Variants in FYN observed in about 807,000 individuals in gnomAD.
FYN encodes tyrosine-protein kinase Fyn.
Under a neutral mutation model 70.2 loss-of-function variants are expected in FYN, and 10 were observed. The observed-to-expected ratio is 0.14, with a 90% CI of 0.09 to 0.24. The LOEUF (loss-of-function observed/expected upper bound fraction) is 0.24. FYN is among the 10% of genes least tolerant of loss of function. The probability of loss-of-function intolerance (pLI) is 1.00; values close to 1 mark genes in which losing one functional copy is unlikely to be tolerated. For missense variants in FYN, 319 were observed against 673.1 expected (o/e 0.47, Z 5.82); for synonymous variants, 236 against 248.6 (o/e 0.95, Z 0.48).
chr6:111,818,158 T>C (rs1255938434), intron 2 of FYN, among the ~76,000 whole-genome samples: 2 of 152,214 alleles, frequency 1.3e-5, no homozygotes, highest in African/African-American at 4.8e-5. Flanking sequence ...CTATATATTT[T>C]GGTCTTGCAG....
At chr6:111,717,824 T>C (rs979509957) in intron 4 of FYN, among the ~76,000 whole-genome samples, 1 of 152,192 alleles carries the variant, frequency 6.6e-6, no homozygotes, top group East Asian at 1.9e-4. Flanking sequence ...AGGGAAGAAA[T>C]GTGTCATGGC....
intron 2 of FYN, among the ~76,000 whole-genome samples, chr6:111,835,741 GCTGGTACTGATAACGC>G (rs1773164749): frequency 6.6e-6 from 1 of 152,182 alleles, no homozygotes. Flanking sequence ...AGGAATGTGA[GCTGGTACTGATAACGC>G]CTGGTACTGT....
chr6:111,666,810 G>A (rs193015013), intron 13 of FYN, among the ~76,000 whole-genome samples: 99 of 152,280 alleles, frequency 6.5e-4, no homozygotes, highest in Non-Finnish European at 6.8e-4. Flanking sequence ...TCCAGCCTGG[G>A]TGACAGAGCG....
At chr6:111,758,243 G>A (rs905901409) in intron 3 of FYN, among the ~76,000 whole-genome samples, 3 of 152,048 alleles carry the variant, frequency 2.0e-5, no homozygotes, top group African/African-American at 7.2e-5. Context: ...AAATATTCAC[G>A]GTGCACTGCT....
At chr6:111,799,525 A>G (rs1286796008) in intron 2 of FYN, among the ~76,000 whole-genome samples, 2 of 152,240 alleles carry the variant, frequency 1.3e-5, no homozygotes, top group East Asian at 3.8e-4. Flanking sequence ...TTCGCATTTT[A>G]TGTGAAAGAT....
At chr6:111,713,848 G>A (rs941340702) in intron 5 of FYN, among the ~76,000 whole-genome samples, 6 of 152,138 alleles carry the variant, frequency 3.9e-5, no homozygotes, top group African/African-American at 1.4e-4. Flanking sequence ...CCAAATTTTT[G>A]TTATAGGGAA....
intron 3 of FYN, among the ~76,000 whole-genome samples, chr6:111,746,123 G>A (rs1400874051): frequency 6.6e-6 from 1 of 152,186 alleles, no homozygotes; most frequent in Admixed American, 6.5e-5. Flanking sequence ...AATAATTTGA[G>A]GAGGTTTAGC....
chr6:111,690,891 A>C (rs1296932058), intron 12 of FYN, among the ~76,000 whole-genome samples: 1 of 152,158 alleles, frequency 6.6e-6, no homozygotes, highest in East Asian at 1.9e-4. Flanking sequence ...ATGCTTGCTG[A>C]CTGTCGTGCA....
intron 3 of FYN, among the ~76,000 whole-genome samples, chr6:111,740,286 T>G (rs924127473): frequency 6.6e-6 from 1 of 152,220 alleles, no homozygotes; most frequent in African/African-American, 2.4e-5. Flanking sequence ...CAGAAAGATT[T>G]AACAACACTC....
At chr6:111,788,186 T>C (rs1053643984) in intron 2 of FYN, among the ~76,000 whole-genome samples, 6 of 152,196 alleles carry the variant, frequency 3.9e-5, no homozygotes, top group Non-Finnish European at 7.3e-5. Context: ...ATACCTCTAC[T>C]GTACAACTTT....
At chr6:111,812,475 C>A (rs1772356789) in intron 2 of FYN, among the ~76,000 whole-genome samples, 1 of 151,804 alleles carries the variant, frequency 6.6e-6, no homozygotes, top group Non-Finnish European at 1.5e-5. Context: ...CTTTGTGGAA[C>A]TGTGTGAAGA....
At chr6:111,843,433 A>T (rs1333655014) in intron 2 of FYN, among the ~76,000 whole-genome samples, 1 of 152,212 alleles carries the variant, frequency 6.6e-6, no homozygotes, top group Non-Finnish European at 1.5e-5. Flanking sequence ...ACTTAAAGCA[A>T]TGATATCTGG....
chr6:111,785,212 ATTCCACTG>A (rs1771319568), intron 2 of FYN, among the ~76,000 whole-genome samples: 1 of 152,200 alleles, frequency 6.6e-6, no homozygotes, highest in Non-Finnish European at 1.5e-5. Context: ...GGTACATACA[ATTCCACTG>A]TCCCAACTGT....
At chr6:111,719,711 G>C in intron 4 of FYN, 94 bp downstream of exon 4, 1 of 1,412,464 alleles carries the variant, frequency 7.1e-7, no homozygotes, top group Non-Finnish European at 9.7e-7. Context: ...GAAACCCCTA[G>C]TCAAAGGGAA....
At chr6:111,774,174 C>T (rs981219176) in intron 3 of FYN, among the ~76,000 whole-genome samples, 1 of 152,194 alleles carries the variant, frequency 6.6e-6, no homozygotes, top group Admixed American at 6.5e-5. Flanking sequence ...TTTAGAGAGC[C>T]TGTTTCCATA....
intron 3 of FYN, among the ~76,000 whole-genome samples, chr6:111,754,970 T>A (rs890253018): frequency 4.2e-5 from 3 of 71,624 alleles, no homozygotes; most frequent in African/African-American, 9.8e-5. Flanking sequence ...TTTAAGCTGT[T>A]TTTTTTTTTT....
intron 12 of FYN, among the ~76,000 whole-genome samples, chr6:111,684,820 T>C (rs1798927326): frequency 6.6e-6 from 1 of 152,202 alleles, no homozygotes; most frequent in Non-Finnish European, 1.5e-5. Context: ...GAAGGGACTT[T>C]CCTTGGAGTA....
intron 2 of FYN, among the ~76,000 whole-genome samples, chr6:111,819,477 C>T (rs911667337): frequency 3.9e-5 from 6 of 152,012 alleles, no homozygotes; most frequent in Admixed American, 3.9e-4. Context: ...TATTGTTTTA[C>T]GACAGTCCCT....
At chr6:111,677,695 C>G (rs1391745187) in intron 12 of FYN, among the ~76,000 whole-genome samples, 1 of 152,158 alleles carries the variant, frequency 6.6e-6, no homozygotes, top group African/African-American at 2.4e-5. Context: ...GTAAACGTTG[C>G]CTTTCCCTTG....
Sources: allele counts gnomAD v4.1 joint callset (sites outside exome capture counted in the v4.1 genomes callset), GRCh38; gene constraint gnomAD v4.1.1; transcripts MANE v1.5; gene names NCBI Gene and HGNC (gene_info 2026-07-23, HGNC 2026-07-21).